The following LRRC1 variants were observed in gnomAD, a reference collection of about 807,000 sequenced individuals.
The protein encoded by LRRC1 is leucine-rich repeat-containing protein 1.
Under a neutral mutation model 69.9 loss-of-function variants are expected in LRRC1, and 28 were observed. The ratio of observed to expected loss-of-function variants is 0.40; its 90% CI spans 0.30 to 0.55. LRRC1 has a LOEUF of 0.55. Ranked by LOEUF, LRRC1 falls within the 20% of genes least tolerant of loss-of-function variation. LRRC1 has a pLI of 0.47. For synonymous variants in LRRC1, 236 were observed against 240.2 expected (o/e 0.98, Z 0.16); for missense variants, 498 against 609.0 (o/e 0.82, Z 1.92).
intron 2 of LRRC1, among the ~76,000 whole-genome samples, chr6:53,848,591 G>A (rs1422372095): frequency 2.0e-5 from 3 of 151,954 alleles, no homozygotes; most frequent in Admixed American, 6.6e-5. Context: ...GGGTCTTTTC[G>A]GTCTGCTTTC....
At chr6:53,861,234 T>C (rs1268078873) in intron 2 of LRRC1, among the ~76,000 whole-genome samples, 2 of 151,670 alleles carry the variant, frequency 1.3e-5, no homozygotes, top group Non-Finnish European at 2.9e-5. Context: ...CTCAACTGCA[T>C]GTTAGATTCA....
intron 1 of LRRC1, among the ~76,000 whole-genome samples, chr6:53,809,325 C>T (rs751909599): frequency 1.3e-4 from 20 of 152,184 alleles, no homozygotes; most frequent in Non-Finnish European, 1.9e-4. Flanking sequence ...AAGCATTTTA[C>T]AATAGATCCA....
In LRRC1 at chr6:53,810,298, G is replaced by A. The variant is rs553643888; in HGVS notation, c.159+14883G>A. Among the ~76,000 whole-genome samples the A allele has an allele frequency of 1.1e-4, 16 of 152,284 alleles. No individual in the cohort carries two copies. In the South Asian group the frequency reaches 2.7e-3, roughly 26 times the overall value. On this transcript the variant is annotated intron_variant, in intron 1 of 13. Transcript: ENST00000370888. The stretch of plus-strand genomic sequence containing the variant: ...ATCTGCTCAGGAAAAATCTCTAGCA[G>A]GAATGATTCTGTTTCAAAGTATTCT...
At chr6:53,810,810 G>T (rs185331539) in intron 1 of LRRC1, among the ~76,000 whole-genome samples, 48 of 152,282 alleles carry the variant, frequency 3.2e-4, no homozygotes, top group African/African-American at 1.2e-3. Flanking sequence ...CAGCCTCTGT[G>T]CCTTTCTTGG....
rs1215454238 is a variant in LRRC1 at position 53,865,163 on chromosome 6, CATAGT to C, written c.278-13828_278-13824del. The stretch of plus-strand genomic sequence containing the variant: ...TCTGCTGTAATAATTCCTCTCCTCT[CATAGT>C]AGAGGACAGTGTTGTATGGGAAGAA... On this transcript the variant is annotated intron_variant, in intron 2 of 13. Transcript: ENST00000370888. 2.0e-5 allele frequency among the ~76,000 whole-genome samples: 3 copies of C among 152,198 alleles called. No homozygotes were observed. The East Asian group carries it at 5.8e-4, about 29-fold the overall frequency.
At chr6:53,873,532 C>T (rs1766968017) in intron 2 of LRRC1, among the ~76,000 whole-genome samples, 1 of 151,884 alleles carries the variant, frequency 6.6e-6, no homozygotes, top group Non-Finnish European at 1.5e-5. Context: ...ATCTCCTGAC[C>T]CCGTGATCTG....
chr6:53,854,593 C>T (rs6919015), intron 2 of LRRC1, among the ~76,000 whole-genome samples: 18,033 of 152,062 alleles, frequency 0.12, 1,322 homozygotes, highest in Non-Finnish European at 0.17. Flanking sequence ...AAAACTGAGT[C>T]TCAGGTTAGA....
At chr6:53,831,075 A>G (rs895347863) in intron 1 of LRRC1, among the ~76,000 whole-genome samples, 1 of 151,774 alleles carries the variant, frequency 6.6e-6, no homozygotes, top group Non-Finnish European at 1.5e-5. Context: ...GATTGTGGAA[A>G]TACCACAATA....
intron 1 of LRRC1, among the ~76,000 whole-genome samples, chr6:53,811,440 C>T (rs756987396): frequency 5.3e-5 from 8 of 152,184 alleles, no homozygotes; most frequent in African/African-American, 1.7e-4. Context: ...GAGAGAAGGA[C>T]GTTTCCTCTC....
At chr6:53,908,998 A>C (rs542028220) in intron 10 of LRRC1, among the ~76,000 whole-genome samples, 35 of 152,370 alleles carry the variant, frequency 2.3e-4, no homozygotes, top group African/African-American at 8.4e-4. Flanking sequence ...CTGGAAGGGA[A>C]TATGATAATA....
chr6:53,900,315 A>G (rs1023225014), intron 8 of LRRC1, among the ~76,000 whole-genome samples: 1 of 152,036 alleles, frequency 6.6e-6, no homozygotes, highest in African/African-American at 2.4e-5. Flanking sequence ...GGGATTACAG[A>G]TGTGAGCCAC....
chr6:53,831,046 A>T (rs1765413966), intron 1 of LRRC1, among the ~76,000 whole-genome samples: 1 of 151,418 alleles, frequency 6.6e-6, no homozygotes, highest in Non-Finnish European at 1.5e-5. Context: ...AAAATCACAC[A>T]ATTTTAATCT....
rs143892163 is a variant in LRRC1 at position 53,878,376 on chromosome 6, T to C, written c.278-617T>C. Among the ~76,000 whole-genome samples, 550 of 152,326 alleles carry C rather than the reference T, an allele frequency of 3.6e-3. 4 individuals carry two copies. Among genetic ancestry groups the C allele is most frequent in the African/African-American group, 0.013 (533 of 41,578 alleles). ...ACATTGTAATATATAATGAAATAAT[T>C]ATACAACTCACCATAAGGTAGATTC... On this transcript the variant is annotated intron_variant, in intron 2 of 13. Coordinates refer to ENST00000370888, the MANE Select transcript of LRRC1 (RefSeq NM_018214.5).
chr6:53,869,692 C>T (rs1277841947), intron 2 of LRRC1, among the ~76,000 whole-genome samples: 1 of 152,210 alleles, frequency 6.6e-6, no homozygotes, highest in Non-Finnish European at 1.5e-5. Context: ...TCACCATGGT[C>T]TCTCTTCCCA....
At position 53,795,406 on chromosome 6, in the gene LRRC1, G is replaced by A. The variant is rs776087653; in HGVS notation, c.150G>A (p.Glu50=). 84 of 1,611,716 alleles carry A rather than the reference G, an allele frequency of 5.2e-5. No individual in the cohort carries two copies. Among genetic ancestry groups the A allele is most frequent in the Non-Finnish European group, 6.9e-5 (81 of 1,179,728 alleles). The change falls in exon 1 of 14, where the codon GAG becomes GAA. Residue 50 remains glutamate (E), a synonymous_variant. Transcript: ENST00000370888. ...TGCTGGACGCCAACCAGCTCCGCGAGCTGCCCGAGGTAAGGGTCCGGCCTC... is the reference window on the plus strand; with the variant it reads ...TGCTGGACGCCAACCAGCTCCGCGAACTGCCCGAGGTAAGGGTCCGGCCTC... The part of the protein sequence containing the change: ...ELLLDANQLR[E]LPEQFFQLVK...
chr6:53,819,455 A>T (rs1338904226), intron 1 of LRRC1, among the ~76,000 whole-genome samples: 2 of 152,184 alleles, frequency 1.3e-5, no homozygotes, highest in Non-Finnish European at 2.9e-5. Context: ...GTGAATACAT[A>T]GTAAGCCCTG....
At position 53,902,681 on chromosome 6, in the gene LRRC1, G is replaced by T. The variant is rs1418620384; in HGVS notation, c.840G>T (p.Gln280His). ...AGGTGGATCAGAATAGACTCACACA[G>T]TTGCCTGAAGCAGTTGGGGAATGTG... ...ILKVDQNRLT[Q>H]LPEAVGECES... The change falls in exon 9 of 14, where the codon CAG (glutamine) becomes CAT (histidine). Residue 280 changes from glutamine (Q) to histidine (H), a missense_variant. By Grantham distance (24) the Gln-to-His change is conservative. Around this residue, in one of 3 missense-constraint regions of LRRC1, gnomAD observed 266 missense variants for 383.9 expected, o/e 0.69. Transcript: ENST00000370888. The T allele has an allele frequency of 1.2e-6, 2 of 1,613,430 alleles. No homozygotes were observed. The highest frequency in any genetic ancestry group is 1.7e-6 in the Non-Finnish European group (2 of 1,179,702).
chr6:53,815,478 C>G (rs1473215200), intron 1 of LRRC1, among the ~76,000 whole-genome samples: 9 of 151,930 alleles, frequency 5.9e-5, no homozygotes, highest in Admixed American at 5.9e-4. Context: ...ACTTTAGGGC[C>G]TTTTTCTCCA....
chr6:53,867,945 CCT>C (rs1250651171), intron 2 of LRRC1, among the ~76,000 whole-genome samples: 1 of 150,512 alleles, frequency 6.6e-6, no homozygotes, highest in Non-Finnish European at 1.5e-5. Flanking sequence ...AAAACGAGAC[CCT>C]GTCTTACCAA....
Sources: gnomAD v4.1 joint callset for allele counts (sites outside exome capture counted in the v4.1 genomes callset) on GRCh38, gnomAD v4.1.1 for gene constraint, gnomAD v4.1.1 regional missense constraint, MANE v1.5 for transcripts, NCBI Gene and HGNC (gene_info 2026-07-23, HGNC 2026-07-21) for gene names.